Variants in GRID2 observed in about 807,000 individuals in gnomAD.
GRID2 encodes the protein glutamate ionotropic receptor delta type subunit 2.
A neutral mutation model predicts 114.8 loss-of-function variants in GRID2; 33 were observed. That is an observed-to-expected ratio of 0.29 (90% CI 0.22 to 0.38). The LOEUF is 0.38. Among genes scored for constraint, GRID2 ranks in the 10% least tolerant of loss-of-function variants. The probability of loss-of-function intolerance (pLI) is 1.00; values close to 1 mark genes in which losing one functional copy is unlikely to be tolerated. For synonymous variants in GRID2, 505 were observed against 449.9 expected (o/e 1.12, Z -1.55); for missense variants, 1,184 against 1,257.7 (o/e 0.94, Z 0.89).
rs575142104 is a variant in GRID2, at chr4:92,400,925, G to T, written c.88+96181G>T. ...GGAAAAATATCTACTGAAATTCTTT[G>T]CAAATTTTTAAATTTATCTTTTTAT... On this transcript the variant is annotated intron_variant, in intron 1 of 15. Transcript: ENST00000282020. Among the ~76,000 whole-genome samples the T allele has an allele frequency of 9.2e-5, 14 of 152,048 alleles. No individual in the cohort carries two copies. In the South Asian group the frequency reaches 2.9e-3, roughly 32 times the overall value.
chr4:93,783,676 C>T (rs1177064236), intron 1 of GRID2, among the ~76,000 whole-genome samples: 1 of 152,222 alleles, frequency 6.6e-6, no homozygotes, highest in African/African-American at 2.4e-5. Context: ...AGCACACCCA[C>T]TCATGTCCCT....
chr4:93,517,281 A>G (rs1729825941), intron 13 of GRID2, among the ~76,000 whole-genome samples: 1 of 152,090 alleles, frequency 6.6e-6, no homozygotes, highest in Non-Finnish European at 1.5e-5. Flanking sequence ...CCTAATCTTA[A>G]TGTAAAGTTG....
chr4:92,309,972 G>A (rs1251480687), intron 1 of GRID2, among the ~76,000 whole-genome samples: 2 of 151,356 alleles, frequency 1.3e-5, no homozygotes, highest in Non-Finnish European at 3.0e-5. Flanking sequence ...TTGTTTTTGA[G>A]ACAAAACATA....
At chr4:92,935,733 T>C (rs1262952064) in intron 2 of GRID2, among the ~76,000 whole-genome samples, 1 of 146,394 alleles carries the variant, frequency 6.8e-6, no homozygotes, top group Non-Finnish European at 1.5e-5. Flanking sequence ...ATGTCCTTTG[T>C]AGGGACATGG....
intron 2 of GRID2, among the ~76,000 whole-genome samples, chr4:92,623,372 A>AT (rs911923699): frequency 2.8e-4 from 43 of 151,606 alleles, no homozygotes; most frequent in African/African-American, 1.0e-3. Flanking sequence ...TACAAAAAAA[A>AT]AAAGATTAAT....
rs555690271 is a variant in GRID2 at position 93,458,672 on chromosome 4, G to T, written c.1858+2698G>T. Among the ~76,000 whole-genome samples, 6 of 152,130 alleles carry T rather than the reference G, an allele frequency of 3.9e-5. No individual in the cohort carries two copies. In the South Asian group the frequency reaches 1.0e-3, roughly 26 times the overall value. Reference sequence around the variant, plus strand: ...AATGGTTAAAATTGTGAAGTTCTTAGATATAACTTATATAAGTGTCACATA... The same window carrying T: ...AATGGTTAAAATTGTGAAGTTCTTATATATAACTTATATAAGTGTCACATA... On this transcript the variant is annotated intron_variant, in intron 11 of 15. Coordinates refer to ENST00000282020, the MANE Select transcript of GRID2 (RefSeq NM_001510.4).
At chr4:93,174,479 G>T (rs1345174117) in intron 4 of GRID2, among the ~76,000 whole-genome samples, 1 of 152,128 alleles carries the variant, frequency 6.6e-6, no homozygotes, top group Non-Finnish European at 1.5e-5. Flanking sequence ...AGTCCATAGT[G>T]CAGTGGACTG....
chr4:92,408,323 C>CCAT (rs1224071965), intron 1 of GRID2, among the ~76,000 whole-genome samples: 1 of 151,540 alleles, frequency 6.6e-6, no homozygotes, highest in African/African-American at 2.4e-5. Flanking sequence ...TTATACCATA[C>CCAT]CATGCTGTTA....
At chr4:92,959,988 A>C (rs1752690914) in intron 2 of GRID2, among the ~76,000 whole-genome samples, 1 of 152,020 alleles carries the variant, frequency 6.6e-6, no homozygotes. Flanking sequence ...CATGTATCCC[A>C]GAACTTAAAG....
At chr4:92,581,872 C>T (rs961957763) in intron 1 of GRID2, among the ~76,000 whole-genome samples, 3 of 151,996 alleles carry the variant, frequency 2.0e-5, no homozygotes, top group Admixed American at 6.6e-5. Flanking sequence ...TAAATATCTG[C>T]GTGGAATTTT....
intron 8 of GRID2, among the ~76,000 whole-genome samples, chr4:93,239,086 G>C (rs1487771750): frequency 6.7e-6 from 1 of 148,624 alleles, no homozygotes; most frequent in Non-Finnish European, 1.5e-5. Context: ...TTATATAAAT[G>C]ATGTTTCTAT....
At chr4:93,309,959 G>A (rs72876912) in intron 8 of GRID2, among the ~76,000 whole-genome samples, 4,329 of 152,164 alleles carry the variant, frequency 0.028, 217 homozygotes, top group African/African-American at 0.098. Context: ...ATTGTGCAGG[G>A]TGTATATATG....
intron 2 of GRID2, among the ~76,000 whole-genome samples, chr4:92,990,269 G>A (rs1754791713): frequency 7.3e-6 from 1 of 136,536 alleles, no homozygotes; most frequent in Admixed American, 7.5e-5. Context: ...ATATATATAT[G>A]TACGTAGATA....
rs975634924 is a variant in GRID2, at chr4:93,769,255, C to T, written c.2406C>T (p.His802=). The T allele has an allele frequency of 1.9e-6, 3 of 1,613,712 alleles. No homozygotes were observed. In the African/African-American group the frequency reaches 4.0e-5, roughly 22 times the overall value. Residue 802 remains histidine (H), a synonymous_variant, in exon 15 of 16, where the codon CAC becomes CAT. Transcript: ENST00000282020. Reference sequence around the variant, plus strand: ...ATGGTGACATGGACATCCTGAAGCACAAATGGTGGCCTAAGAATGGCCAGT... The same window carrying T: ...ATGGTGACATGGACATCCTGAAGCATAAATGGTGGCCTAAGAATGGCCAGT... ...QQNGDMDILK[H]KWWPKNGQCD...
At chr4:92,382,331 T>C (rs1391698512) in intron 1 of GRID2, among the ~76,000 whole-genome samples, 1 of 152,032 alleles carries the variant, frequency 6.6e-6, no homozygotes, top group Non-Finnish European at 1.5e-5. Flanking sequence ...GATAGCTGCA[T>C]AGCAACAGCA....
At chr4:93,747,398 G>A (rs796535556) in intron 14 of GRID2, among the ~76,000 whole-genome samples, 12 of 152,106 alleles carry the variant, frequency 7.9e-5, no homozygotes, top group Non-Finnish European at 1.3e-4. Flanking sequence ...TGTTACATTC[G>A]TGTGATTATC....
intron 11 of GRID2, among the ~76,000 whole-genome samples, chr4:93,467,306 T>A (rs1044304922): frequency 2.0e-5 from 3 of 152,216 alleles, no homozygotes; most frequent in Non-Finnish European, 4.4e-5. Flanking sequence ...TTAGATGTTT[T>A]TTCCAAATAC....
intron 2 of GRID2, among the ~76,000 whole-genome samples, chr4:93,053,075 A>G (rs1278465022): frequency 2.0e-5 from 3 of 151,958 alleles, no homozygotes; most frequent in Non-Finnish European, 4.4e-5. Context: ...TTTTATAGGT[A>G]GTGGCACACT....
intron 2 of GRID2, among the ~76,000 whole-genome samples, chr4:92,864,994 C>G (rs1190506762): frequency 1.3e-5 from 2 of 152,052 alleles, no homozygotes; most frequent in Non-Finnish European, 2.9e-5. Context: ...CTTCATTATC[C>G]AGTGATTTTC....
Sources: allele counts gnomAD v4.1 joint callset (sites outside exome capture counted in the v4.1 genomes callset), GRCh38; gene constraint gnomAD v4.1.1; transcripts MANE v1.5; gene names NCBI Gene and HGNC (gene_info 2026-07-23, HGNC 2026-07-21).